The following PLXNA4 variants were observed in gnomAD, a reference collection of about 807,000 sequenced individuals.
PLXNA4 encodes the protein plexin-A4.
In PLXNA4, 44 loss-of-function variants were observed where a neutral mutation model predicts 191.8. The observed-to-expected ratio is 0.23, with a 90% CI of 0.18 to 0.29. The LOEUF (loss-of-function observed/expected upper bound fraction) is 0.29. PLXNA4 is among the 10% of genes least tolerant of loss of function. The pLI, the probability that PLXNA4 is intolerant of heterozygous loss-of-function variation, is 1.00. For missense variants in PLXNA4, 1,800 were observed against 2,488.8 expected (o/e 0.72, Z 5.89); for synonymous variants, 1,082 against 1,009.5 (o/e 1.07, Z -1.36).
chr7:132,592,585 C>T (rs1802621551), intron 2 of PLXNA4, among the ~76,000 whole-genome samples: 2 of 149,580 alleles, frequency 1.3e-5, no homozygotes, highest in East Asian at 2.0e-4. Context: ...TCTCGTTTAA[C>T]GATTTGACGG....
intron 2 of PLXNA4, among the ~76,000 whole-genome samples, chr7:132,497,070 C>T (rs1010133866): frequency 6.6e-6 from 1 of 152,076 alleles, no homozygotes; most frequent in Non-Finnish European, 1.5e-5. Flanking sequence ...TCATGTTGAG[C>T]AGCCCTAAAT....
intron 3 of PLXNA4, among the ~76,000 whole-genome samples, chr7:132,373,956 C>A (rs192181438): frequency 6.6e-6 from 1 of 152,280 alleles, no homozygotes; most frequent in Non-Finnish European, 1.5e-5. Flanking sequence ...AGGATTCCAA[C>A]CTGAGGCTCA....
intron 31 of PLXNA4, among the ~76,000 whole-genome samples, chr7:132,132,496 T>TA (rs1794990642): frequency 1.9e-4 from 6 of 31,756 alleles, no homozygotes; most frequent in Admixed American, 1.0e-3. Context: ...TGCTCTATTC[T>TA]TTTCTATTCT....
chr7:132,499,532 C>T (rs112449739), intron 2 of PLXNA4, among the ~76,000 whole-genome samples: 9 of 152,322 alleles, frequency 5.9e-5, no homozygotes, highest in African/African-American at 2.2e-4. Flanking sequence ...GCCACCAGTC[C>T]ATCAATCCCA....
intron 3 of PLXNA4, among the ~76,000 whole-genome samples, chr7:132,368,374 C>A (rs1368047890): frequency 1.3e-5 from 2 of 152,184 alleles, no homozygotes; most frequent in Admixed American, 1.3e-4. Flanking sequence ...AGGGACGCGG[C>A]TGCACCCACA....
At chr7:132,520,267 G>T (rs894456382) in intron 1 of PLXNA4, among the ~76,000 whole-genome samples, 21 of 152,226 alleles carry the variant, frequency 1.4e-4, no homozygotes, top group African/African-American at 5.1e-4. Flanking sequence ...TTAAGTGGAT[G>T]TAAGTCACAC....
chr7:132,637,980 C>G (rs1021390472), intron 2 of PLXNA4, among the ~76,000 whole-genome samples: 1 of 152,226 alleles, frequency 6.6e-6, no homozygotes, highest in African/African-American at 2.4e-5. Flanking sequence ...TGGCCTCTGT[C>G]AGTCCTAGAG....
intron 4 of PLXNA4, among the ~76,000 whole-genome samples, chr7:132,242,768 G>A (rs1299498661): frequency 6.6e-6 from 1 of 152,116 alleles, no homozygotes; most frequent in Non-Finnish European, 1.5e-5. Context: ...ATCTGCATGA[G>A]CCGTGCCTGG....
At chr7:132,145,915 C>CAAAAAAAAAA (rs397778925) in intron 28 of PLXNA4, among the ~76,000 whole-genome samples, 106 of 90,336 alleles carry the variant, frequency 1.2e-3, no homozygotes, top group Non-Finnish European at 1.4e-3. Context: ...ACTAAAAATA[C>CAAAAAAAAAA]AAAAAAAAAA....
chr7:132,636,678 A>C (rs1453765931), intron 2 of PLXNA4, among the ~76,000 whole-genome samples: 2 of 152,114 alleles, frequency 1.3e-5, no homozygotes, highest in African/African-American at 4.8e-5. Context: ...GTCAGATTTC[A>C]TATGATGCCA....
At chr7:132,396,429 G>A (rs769107048) in intron 3 of PLXNA4, among the ~76,000 whole-genome samples, 6 of 152,222 alleles carry the variant, frequency 3.9e-5, no homozygotes, top group Non-Finnish European at 7.3e-5. Flanking sequence ...GAGAGGTTAA[G>A]TAGCATGTCC....
At chr7:132,535,981 G>C (rs561358974) in intron 1 of PLXNA4, among the ~76,000 whole-genome samples, 1 of 152,262 alleles carries the variant, frequency 6.6e-6, no homozygotes, top group Admixed American at 6.5e-5. Flanking sequence ...TCAAAGCCAG[G>C]CTCCAGAATC....
chr7:132,412,922 G>A (rs896853527), intron 3 of PLXNA4, among the ~76,000 whole-genome samples: 1 of 152,102 alleles, frequency 6.6e-6, no homozygotes, highest in African/African-American at 2.4e-5. Flanking sequence ...CCTAAACCTT[G>A]GGGTGCCATG....
At chr7:132,269,424 G>A (rs187769372) in intron 4 of PLXNA4, among the ~76,000 whole-genome samples, 144 of 124,358 alleles carry the variant, frequency 1.2e-3, no homozygotes, top group Middle Eastern at 8.1e-3. Flanking sequence ...CCACCAGACC[G>A]GTGAGCAAAC....
chr7:132,562,227 TTTCTCCTACTCCTCC>T (rs1801203153), intron 1 of PLXNA4, among the ~76,000 whole-genome samples: 2 of 68,614 alleles, frequency 2.9e-5, no homozygotes, highest in Admixed American at 1.5e-4. Flanking sequence ...TCTCTTCCTC[TTTCTCCTACTCCTCC>T]TTCTCCTCCT....
chr7:132,534,273 G>C (rs1281090707), intron 1 of PLXNA4, among the ~76,000 whole-genome samples: 1 of 152,106 alleles, frequency 6.6e-6, no homozygotes, highest in African/African-American at 2.4e-5. Flanking sequence ...GATCTTCCCT[G>C]ACTCTGCTCC....
At chr7:132,485,103 G>T in intron 3 of PLXNA4, 2 of 1,552,680 alleles carry the variant, frequency 1.3e-6, no homozygotes, top group South Asian at 1.2e-5. Context: ...TTCCCAATAA[G>T]AATGGTTTTT....
At chr7:132,282,512 G>A (rs966335529) in intron 4 of PLXNA4, among the ~76,000 whole-genome samples, 1 of 151,412 alleles carries the variant, frequency 6.6e-6, no homozygotes, top group Admixed American at 6.6e-5. Context: ...GAGGTGGAAG[G>A]ATGGCTTGAA....
chr7:132,494,125 G>A (rs1171478236), intron 2 of PLXNA4, among the ~76,000 whole-genome samples: 3 of 152,142 alleles, frequency 2.0e-5, no homozygotes, highest in Non-Finnish European at 4.4e-5. Context: ...CATCTTTGAG[G>A]AAATTCATGG....
Sources: gnomAD v4.1 joint callset for allele counts (sites outside exome capture counted in the v4.1 genomes callset) on GRCh38, gnomAD v4.1.1 for gene constraint, MANE v1.5 for transcripts, NCBI Gene and HGNC (gene_info 2026-07-23, HGNC 2026-07-21) for gene names.